The following TRHDE variants were observed in gnomAD, a reference collection of about 807,000 sequenced individuals.
TRHDE encodes thyrotropin releasing hormone degrading enzyme.
Under a neutral mutation model 125.7 loss-of-function variants are expected in TRHDE, and 72 were observed. That is an observed-to-expected ratio of 0.57 (90% CI 0.47 to 0.70). TRHDE has a LOEUF of 0.70. Among genes scored for constraint, TRHDE ranks in the 30% least tolerant of loss-of-function variants. TRHDE has a pLI of 0.00. For synonymous variants in TRHDE, 509 were observed against 509.1 expected (o/e 1.00, Z 0.00); for missense variants, 1,110 against 1,327.1 (o/e 0.84, Z 2.54).
At chr12:72,149,101 T>G (rs987189710) in intron 2 of TRHDE, among the ~76,000 whole-genome samples, 11 of 152,170 alleles carry the variant, frequency 7.2e-5, no homozygotes, top group African/African-American at 2.7e-4. Flanking sequence ...CATGATTTTT[T>G]TTTTCTGGCT....
chr12:72,603,256 T>C (rs775055948), intron 12 of TRHDE, among the ~76,000 whole-genome samples: 1 of 152,054 alleles, frequency 6.6e-6, no homozygotes, highest in East Asian at 1.9e-4. Flanking sequence ...AAGCTGGAGA[T>C]AGTTGACATA....
At chr12:72,344,108 G>A (rs1286803413) in intron 2 of TRHDE, among the ~76,000 whole-genome samples, 2 of 151,898 alleles carry the variant, frequency 1.3e-5, no homozygotes, top group African/African-American at 4.8e-5. Context: ...TCACTGTATT[G>A]GAATTTATAG....
intron 7 of TRHDE, among the ~76,000 whole-genome samples, chr12:72,551,783 T>C (rs1869686984): frequency 6.6e-6 from 1 of 151,928 alleles, no homozygotes; most frequent in East Asian, 1.9e-4. Context: ...TTTTGCTCAA[T>C]GTGAAAAAAA....
intron 3 of TRHDE, among the ~76,000 whole-genome samples, chr12:72,449,096 A>G (rs915337745): frequency 8.6e-5 from 13 of 151,930 alleles, no homozygotes; most frequent in Non-Finnish European, 1.5e-4. Flanking sequence ...TTTTCCTCTA[A>G]GGTTTAAGGG....
At chr12:72,632,706 C>T (rs1010908721) in intron 15 of TRHDE, among the ~76,000 whole-genome samples, 3 of 145,928 alleles carry the variant, frequency 2.1e-5, no homozygotes, top group African/African-American at 7.7e-5. Flanking sequence ...TTAGGCTTTT[C>T]AGTAGGATGT....
chr12:72,296,369 G>C (rs1008305586), intron 2 of TRHDE, among the ~76,000 whole-genome samples: 2 of 152,258 alleles, frequency 1.3e-5, no homozygotes, highest in Admixed American at 6.5e-5. Flanking sequence ...TTACTAAAGA[G>C]AGTTGGGTAC....
intron 2 of TRHDE, among the ~76,000 whole-genome samples, chr12:72,304,183 T>A (rs1868305194): frequency 6.6e-6 from 1 of 152,200 alleles, no homozygotes; most frequent in South Asian, 2.1e-4. Flanking sequence ...TTACAGGTTT[T>A]AGAGTCTTTA....
At chr12:72,203,272 G>A (rs1467764321) in intron 2 of TRHDE, among the ~76,000 whole-genome samples, 1 of 151,900 alleles carries the variant, frequency 6.6e-6, no homozygotes, top group East Asian at 1.9e-4. Context: ...CCATCCTGGC[G>A]AACACGGTGA....
chr12:72,530,986 ATTGT>A (rs913872197), intron 6 of TRHDE, among the ~76,000 whole-genome samples: 2 of 152,032 alleles, frequency 1.3e-5, no homozygotes, highest in Non-Finnish European at 2.9e-5. Context: ...GCACTCAATA[ATTGT>A]TTGTTAAATG....
In TRHDE at chr12:72,128,999, C is replaced by T. The variant is rs149813800; in HGVS notation, n.279+23247C>T. 6.6e-4 allele frequency among the ~76,000 whole-genome samples: 101 copies of T among 152,232 alleles called. 1 individual carries two copies. In the East Asian group the frequency reaches 0.017, roughly 26 times the overall value. Reference sequence around the variant, plus strand: ...ACTAAGGCACATCATAATTAAACTGCTCAAAACCAGTGTTAAAGAGGAAAT... The same window carrying T: ...ACTAAGGCACATCATAATTAAACTGTTCAAAACCAGTGTTAAAGAGGAAAT... On this transcript the variant is annotated intron_variant and non_coding_transcript_variant, in intron 2 of 4. Coordinates refer to the TRHDE transcript ENST00000548156.
intron 3 of TRHDE, among the ~76,000 whole-genome samples, chr12:72,430,808 T>C (rs1299171571): frequency 1.3e-5 from 2 of 152,104 alleles, no homozygotes; most frequent in Admixed American, 1.3e-4. Flanking sequence ...GGGATTTTGA[T>C]AGAGAATGCT....
chr12:72,471,065 C>T (rs112188963), intron 4 of TRHDE, among the ~76,000 whole-genome samples: 2,138 of 151,648 alleles, frequency 0.014, 30 homozygotes, highest in Non-Finnish European at 0.021. Context: ...TTAGTAGAGA[C>T]GGGGTTTCAC....
chr12:72,445,890 T>G (rs989061645), intron 3 of TRHDE, among the ~76,000 whole-genome samples: 7 of 152,080 alleles, frequency 4.6e-5, no homozygotes, highest in Non-Finnish European at 1.0e-4. Flanking sequence ...ATTAGAATTA[T>G]CTGGCAACAC....
chr12:72,423,550 C>T (rs1160188831), intron 3 of TRHDE, among the ~76,000 whole-genome samples: 1 of 152,172 alleles, frequency 6.6e-6, no homozygotes, highest in Non-Finnish European at 1.5e-5. Flanking sequence ...GTTCTCTCCA[C>T]AACACCTTGA....
At chr12:72,172,837 G>C (rs971980043) in intron 2 of TRHDE, among the ~76,000 whole-genome samples, 11 of 152,302 alleles carry the variant, frequency 7.2e-5, no homozygotes, top group African/African-American at 2.6e-4. Context: ...GTATAAATTA[G>C]CTTATTACCA....
chr12:72,427,343 A>T (rs933945016), intron 3 of TRHDE, among the ~76,000 whole-genome samples: 1 of 151,960 alleles, frequency 6.6e-6, no homozygotes, highest in African/African-American at 2.4e-5. Flanking sequence ...GCTCTTTAAC[A>T]TCTCTTTTCC....
chr12:72,115,829 GC>G (rs1375606420), intron 2 of TRHDE, among the ~76,000 whole-genome samples: 1 of 152,014 alleles, frequency 6.6e-6, no homozygotes, highest in Non-Finnish European at 1.5e-5. Context: ...ACACTTGTTT[GC>G]CATTTATATG....
chr12:72,485,030 T>C (rs566759910), intron 5 of TRHDE, among the ~76,000 whole-genome samples: 2 of 152,250 alleles, frequency 1.3e-5, no homozygotes, highest in South Asian at 4.1e-4. Flanking sequence ...GAGGGACTTC[T>C]TCCTGCAGAG....
At chr12:72,521,258 G>A (rs1592509310) in intron 6 of TRHDE, among the ~76,000 whole-genome samples, 1 of 152,232 alleles carries the variant, frequency 6.6e-6, no homozygotes, top group African/African-American at 2.4e-5. Flanking sequence ...TTCCCAAAGA[G>A]TCTACCTTGA....
Sources: allele counts gnomAD v4.1 joint callset (sites outside exome capture counted in the v4.1 genomes callset), GRCh38; gene constraint gnomAD v4.1.1; transcripts MANE v1.5; gene names NCBI Gene and HGNC (gene_info 2026-07-23, HGNC 2026-07-21).